THOC6: variants seen among roughly 807,000 people sequenced by gnomAD.
THOC6 encodes THO complex subunit 6, also known as THO complex 6.
THOC6 carries 39 observed loss-of-function variants against 55.8 expected under a neutral mutation model. The observed-to-expected ratio is 0.70, with a 90% CI of 0.54 to 0.91. The LOEUF (loss-of-function observed/expected upper bound fraction) is 0.91, where lower values mean the gene tolerates loss of function less well. Ranked by LOEUF, THOC6 falls within the 40% of genes least tolerant of loss-of-function variation. The pLI, the probability that THOC6 is intolerant of heterozygous loss-of-function variation, is 0.00. For missense variants in THOC6, 482 were observed against 442.0 expected, an observed-to-expected ratio of 1.09 and a Z score of -0.81; for synonymous variants, 192 against 175.6, an observed-to-expected ratio of 1.09 and a Z score of -0.74.
rs924818182 is a variant in THOC6 at position 3,026,902 on chromosome 16, G to C, written c.622G>C (p.Val208Leu). Residue 208 changes from valine to leucine, a missense_variant, in exon 9 of 13, where the codon GTC becomes CTC. Val to Leu is a conservative substitution (Grantham distance 32). Transcript: ENST00000326266. ...RTAKEVQTIEVYKHEECSRPH... is the reference protein window; with the variant it reads ...RTAKEVQTIELYKHEECSRPH... ...AGCCAAGGAGGTCCAGACGATCGAG[G>C]TCTATAAGCACGAGGTGAGGGTGTG... 1 of 1,614,198 alleles carries C rather than the reference G, an allele frequency of 6.2e-7. No homozygotes were observed. The highest frequency in any genetic ancestry group is 1.1e-5 in the South Asian group (1 of 91,078).
In THOC6 at chr16:3,027,067, C is replaced by G; in HGVS notation, c.693C>G (p.Asp231Glu). The G allele has an allele frequency of 1.9e-6, 3 of 1,614,212 alleles. No individual in the cohort carries two copies. Among genetic ancestry groups the G allele is most frequent in the Non-Finnish European group, 2.5e-6 (3 of 1,180,038 alleles). ...RWIGCLATDS[D>E]WMVCGGGPAL... The stretch of plus-strand genomic sequence containing the variant: ...TTGGATGTTTGGCAACTGATTCCGA[C>G]TGGATGGTGAGCTGGGCAGACTGTG... Residue 231 changes from aspartate to glutamate, a missense_variant, in exon 10 of 13, where the codon GAC (aspartate) becomes GAG (glutamate). Asp to Glu is a conservative substitution (Grantham distance 45, BLOSUM62 2). Transcript: ENST00000326266.
rs990960002 is a variant in THOC6, at chr16:3,024,040, C to G, written c.-287C>G. On this transcript the variant is annotated 5_prime_UTR_variant, in exon 1 of 13. Transcript: ENST00000326266. ...GGGCGTGGCTTTAGGCGGGCACAGC[C>G]GCGAGGTTCTGCGCGGGCGCGGAAG... The G allele has an allele frequency of 4.0e-6, 4 of 1,009,300 alleles. No individual in the cohort carries two copies. The Admixed American group carries it at 8.1e-5, about 20-fold the overall frequency. 62.5% of individuals were successfully genotyped at this position (1,009,300 alleles called of 1,614,324 possible). A position where few individuals can be genotyped will look rare whatever the true frequency, so the allele number is the denominator to read the frequency against.
rs748992986 is a variant in THOC6 at position 3,026,935 on chromosome 16, C to A, written c.636+19C>A. Reference sequence around the variant, plus strand: ...GCACGAGGTGAGGGTGTGACCGTGGCCATTGTCCTCTTCTCCCCCAACTCC... The same window carrying A: ...GCACGAGGTGAGGGTGTGACCGTGGACATTGTCCTCTTCTCCCCCAACTCC... On this transcript the variant is annotated intron_variant, in intron 9 of 12. Transcript: ENST00000326266. 9.9e-6 allele frequency: 16 copies of A among 1,614,196 alleles called. No individual in the cohort carries two copies. The highest frequency in any genetic ancestry group is 1.3e-5 in the Non-Finnish European group (15 of 1,180,024).
intron 11 of THOC6, 36 bp from the exon 12 acceptor site, chr16:3,027,330 G>T: frequency 6.2e-7 from 1 of 1,614,006 alleles, no homozygotes; most frequent in South Asian, 1.1e-5. Context: ...CTTCCCTTCA[G>T]TCCTGACCCC....
intron 9 of THOC6, 40 bp downstream of exon 9, chr16:3,026,956 A>C (rs768682789): frequency 6.2e-6 from 10 of 1,611,864 alleles, no homozygotes; most frequent in African/African-American, 1.3e-5. Context: ...TTCTCCCCCA[A>C]CTCCTTGAAT....
Position 3,027,203 on chromosome 16 carries a change from C to G in THOC6, c.733C>G (p.His245Asp). Residue 245 changes from histidine to aspartate, a missense_variant, in exon 11 of 13, where the codon CAC (histidine) becomes GAC (aspartate). Physicochemically the swap from His to Asp is moderately conservative, Grantham distance 81. Coordinates refer to ENST00000326266, the MANE Select transcript of THOC6 (RefSeq NM_024339.5). ...AGGGGGCCCAGCCCTCACCCTCTGG[C>G]ACCTCCGATCCTCCACACCCACCAC... The part of the protein sequence containing the change: ...CGGGPALTLW[H>D]LRSSTPTTIF... 6.2e-7 allele frequency: 1 copy of G among 1,614,162 alleles called. No individual in the cohort carries two copies. Among genetic ancestry groups the G allele is most frequent in the Non-Finnish European group, 8.5e-7 (1 of 1,180,032 alleles).
intron 1 of THOC6, among the ~76,000 whole-genome samples, chr16:3,024,626 C>G (rs896921343): frequency 1.5e-5 from 2 of 130,872 alleles, no homozygotes; most frequent in East Asian, 4.3e-4. Context: ...TTTTCTAGTT[C>G]TTGCAAAGCA....
At chr16:3,026,040 C>G in intron 3 of THOC6, 23 bp from the exon 4 acceptor site, 1 of 1,614,078 alleles carries the variant, frequency 6.2e-7, no homozygotes, top group Non-Finnish European at 8.5e-7. Flanking sequence ...GATTGGCTCA[C>G]TCAGTTCTGC....
rs1384078054 is a variant in THOC6 at position 3,026,378 on chromosome 16, G to A, written c.376G>A (p.Val126Met). ...TTCCTTCCCCAGGACCAGCCTGGAA[G>A]TGCCTGAGATCAACGCTTTGCTGCT... ...RQPPYRTSLE[V>M]PEINALLLVP... is the part of the protein sequence containing the mutation. Residue 126 changes from valine to methionine, a missense_variant, in exon 6 of 13, where the codon GTG becomes ATG. Val to Met is a conservative substitution (Grantham distance 21). Coordinates refer to ENST00000326266, the MANE Select transcript of THOC6 (RefSeq NM_024339.5). 1.2e-6 allele frequency: 2 copies of A among 1,614,090 alleles called. No homozygotes were observed. Among genetic ancestry groups the A allele is most frequent in the South Asian group, 1.1e-5 (1 of 91,092 alleles).
rs764189533 is a variant in THOC6, at chr16:3,025,972, G to A, written c.204G>A (p.Pro68=). ...SSEAKEESKK[P]VVTFQAHDGP... Reference sequence around the variant, plus strand: ...AAGCCAAAGAGGAAAGTAAGAAGCCGGTGGTGACTTTCCAAGGTGGGTATA... The same window carrying A: ...AAGCCAAAGAGGAAAGTAAGAAGCCAGTGGTGACTTTCCAAGGTGGGTATA... Residue 68 remains proline (P), a synonymous_variant, in exon 3 of 13, where the codon CCG becomes CCA. Transcript: ENST00000326266. 52 of 1,614,102 alleles carry A rather than the reference G, an allele frequency of 3.2e-5. No individual in the cohort carries two copies. The highest frequency in any genetic ancestry group is 1.0e-4 in the Admixed American group (6 of 60,006).
In THOC6 at chr16:3,025,718, T is replaced by C. The variant is rs1362669946; in HGVS notation, c.50T>C (p.Phe17Ser). The C allele has an allele frequency of 1.2e-6, 2 of 1,613,986 alleles. No homozygotes were observed. The highest frequency in any genetic ancestry group is 1.7e-6 in the Non-Finnish European group (2 of 1,179,912). ...LAVPLGQTEVFQALQRLHMTI... is the reference protein window; with the variant it reads ...LAVPLGQTEVSQALQRLHMTI... ...AGTCTTTCCCTGCAGACAGAGGTGT[T>C]CCAGGCCTTGCAGCGGCTCCATATG... is the stretch of plus-strand genomic sequence containing the variant. Residue 17 changes from phenylalanine to serine, a missense_variant, in exon 2 of 13, where the codon TTC becomes TCC. Physicochemically the swap from Phe to Ser is radical, Grantham distance 155. Transcript: ENST00000326266.
rs373096513 is a variant in THOC6 at position 3,027,625 on chromosome 16, C to T, written c.994C>T (p.Leu332=). ...CTGCCGGGTGGATGTCTTCACCAAC[C>T]TGGGTTACCGAGCCTTCTCCCTGTC... The part of the protein sequence containing the change: ...NSCRVDVFTN[L]GYRAFSLSF The change falls in exon 13 of 13, where the codon CTG becomes TTG. Residue 332 remains leucine, a synonymous_variant. Transcript: ENST00000326266. The T allele has an allele frequency of 1.2e-6, 2 of 1,614,220 alleles. No homozygotes were observed. The highest frequency in any genetic ancestry group is 1.7e-6 in the Non-Finnish European group (2 of 1,180,010).
chr16:3,026,984 C>G (rs372573615), intron 9 of THOC6, 27 bp from the exon 10 acceptor site: 20 of 1,614,092 alleles, frequency 1.2e-5, no homozygotes, highest in Non-Finnish European at 1.7e-5. Flanking sequence ...GTCTTCACCT[C>G]TTTCCCTCCT....
In THOC6 at chr16:3,027,584, C is replaced by T. The variant is rs757827184; in HGVS notation, c.953C>T (p.Thr318Ile). 13 of 1,613,932 alleles carry T rather than the reference C, an allele frequency of 8.1e-6. No homozygotes were observed. Among genetic ancestry groups the T allele is most frequent in the Middle Eastern group, 1.6e-4 (1 of 6,082 alleles). ...TGCCCCTCTTTCCTCCAGGTCCTGA[C>T]AGCTGCAGGCAACAGCTGCCGGGTG... The part of the protein sequence containing the change: ...QPAAPECKVL[T>I]AAGNSCRVDV... Residue 318 changes from threonine (T) to isoleucine (I), a missense_variant, in exon 13 of 13, where the codon ACA becomes ATA. By Grantham distance (89) the Thr-to-Ile change is moderately conservative (BLOSUM62 -1). Transcript: ENST00000326266.
Position 3,026,706 on chromosome 16 carries a change from A to C in THOC6, c.511A>C (p.Ile171Leu), listed in dbSNP as rs772862889. The part of the protein sequence containing the change: ...TRVLRGHTDY[I>L]HCLALRERSP... ...GGTCCTCCGGGGCCACACAGACTAC[A>C]TCCACTGCCTGGCACTGCGGGAAAG... The change falls in exon 8 of 13, where the codon ATC becomes CTC. Residue 171 changes from isoleucine (I) to leucine (L), a missense_variant. Physicochemically the swap from Ile to Leu is conservative, Grantham distance 5. Transcript: ENST00000326266. 20 of 1,613,584 alleles carry C rather than the reference A, an allele frequency of 1.2e-5. No homozygotes were observed. In the Admixed American group the frequency reaches 2.3e-4, roughly 19 times the overall value.
Position 3,027,426 on chromosome 16 carries a change from G to A in THOC6, c.871G>A (p.Ala291Thr), listed in dbSNP as rs2072827941. ...NQWQLSGELK[A>T]QVPGSSPGLL... The stretch of plus-strand genomic sequence containing the variant: ...GTGGCAGCTGAGCGGGGAGCTGAAG[G>A]CCCAGGTGCCTGGCTCCTCCCCAGG... Residue 291 changes from alanine (A) to threonine (T), a missense_variant, in exon 12 of 13, where the codon GCC (alanine) becomes ACC (threonine). Transcript: ENST00000326266. 6.2e-7 allele frequency: 1 copy of A among 1,612,138 alleles called. No individual in the cohort carries two copies. The highest frequency in any genetic ancestry group is 1.3e-5 in the African/African-American group (1 of 75,070).
Position 3,026,064 on chromosome 16 carries a change from C to G in THOC6, c.222C>G (p.Ala74=), listed in dbSNP as rs1567415423. The change falls in exon 4 of 13, where the codon GCC becomes GCG. Residue 74 remains alanine, a splice_region_variant and synonymous_variant. Coordinates refer to ENST00000326266, the MANE Select transcript of THOC6 (RefSeq NM_024339.5). ...ESKKPVVTFQ[A]HDGPVYSMVS... The stretch of plus-strand genomic sequence containing the variant: ...ACTCAGTTCTGCATTTCTCTTTAGC[C>G]CATGATGGGCCCGTCTATAGCATGG... The G allele has an allele frequency of 6.2e-7, 1 of 1,612,430 alleles. No homozygotes were observed. The highest frequency in any genetic ancestry group is 1.3e-5 in the African/African-American group (1 of 74,870).
chr16:3,024,147 ACTT>A lies in THOC6; in HGVS notation c.-176_-174del, dbSNP rs2072714741. The A allele has an allele frequency of 1.3e-6, 1 of 749,794 alleles. No homozygotes were observed. Among genetic ancestry groups the A allele is most frequent in the Admixed American group, 2.4e-5 (1 of 41,702 alleles). 46.4% of individuals were successfully genotyped at this position (749,794 alleles called of 1,614,324 possible). On this transcript the variant is annotated 5_prime_UTR_variant, in exon 1 of 13. Transcript: ENST00000326266. ...GCTTAAGGGGGCTGCGGTGGACACC[ACTT>A]CTTAATGTCGGGGGTCTTCGCGGCG...
intron 1 of THOC6, 139 bp from the exon 2 acceptor site, chr16:3,025,569 T>C: frequency 1.4e-6 from 1 of 707,744 alleles, no homozygotes; most frequent in South Asian, 1.8e-5. Flanking sequence ...GGTGCTGGCT[T>C]GGGGCGGGGC....
Sources: gnomAD v4.1 joint callset for allele counts (sites outside exome capture counted in the v4.1 genomes callset) on GRCh38, gnomAD v4.1.1 for gene constraint, MANE v1.5 for transcripts, NCBI Gene and HGNC (gene_info 2026-07-23, HGNC 2026-07-21) for gene names.